The following FOXO3 variants were observed in gnomAD, a reference collection of about 807,000 sequenced individuals.
FOXO3 encodes the protein forkhead box protein O3.
Under a neutral mutation model 41.9 loss-of-function variants are expected in FOXO3, and 4 were observed. That is an observed-to-expected ratio of 0.10 (90% CI 0.05 to 0.22). The LOEUF (loss-of-function observed/expected upper bound fraction) is 0.22, where lower values mean the gene tolerates loss of function less well. FOXO3 is among the 10% of genes least tolerant of loss of function. The probability of loss-of-function intolerance (pLI) is 1.00; values close to 1 mark genes in which losing one functional copy is unlikely to be tolerated. For synonymous variants in FOXO3, 318 were observed against 389.3 expected (o/e 0.82, Z 2.16); for missense variants, 534 against 906.8 (o/e 0.59, Z 5.28).
chr6:108,675,212 G>A (rs144675737), intron 2 of FOXO3, among the ~76,000 whole-genome samples: 1 of 152,084 alleles, frequency 6.6e-6, no homozygotes, highest in South Asian at 2.1e-4. Context: ...AGAAAAGCTG[G>A]TGCCTCCCAG....
rs1313667070 is a variant in FOXO3, at chr6:108,680,311, G to A, written c.*519G>A. 1 of 152,298 alleles carries A rather than the reference G, an allele frequency of 6.6e-6. No individual in the cohort carries two copies. The highest frequency in any genetic ancestry group is 2.4e-5 in the African/African-American group (1 of 41,182). 9.4% of individuals were successfully genotyped at this position (152,298 alleles called of 1,614,324 possible). ...AAAATGTTGTACCAGTTACCATTCC[G>A]GGTTCGAGCATCACAAGCTTTTGAG... is the stretch of plus-strand genomic sequence containing the variant. On this transcript the variant is annotated 3_prime_UTR_variant, in exon 3 of 3. Transcript: ENST00000406360.
chr6:108,618,995 C>T (rs1053866388), intron 1 of FOXO3, among the ~76,000 whole-genome samples: 4 of 152,156 alleles, frequency 2.6e-5, no homozygotes, highest in Non-Finnish European at 1.5e-5. Context: ...CAAATAAGTT[C>T]AAGGCTTGTC....
intron 1 of FOXO3, among the ~76,000 whole-genome samples, chr6:108,599,657 C>T (rs897116598): frequency 9.0e-4 from 137 of 152,270 alleles, no homozygotes; most frequent in Non-Finnish European, 8.5e-4. Flanking sequence ...TTCTCCCATT[C>T]TCCTTTAAGA....
At chr6:108,584,350 G>A (rs1253727127) in intron 1 of FOXO3, among the ~76,000 whole-genome samples, 5 of 151,988 alleles carry the variant, frequency 3.3e-5, no homozygotes, top group African/African-American at 9.7e-5. Flanking sequence ...AATACAGGGT[G>A]TTGTTGGAGT....
chr6:108,561,950 C>G (rs999435945), intron 1 of FOXO3, 121 bp downstream of exon 1: 4 of 1,382,670 alleles, frequency 2.9e-6, no homozygotes, highest in Non-Finnish European at 3.8e-6. Flanking sequence ...CAGGGGGAGC[C>G]TCCGCTGCGA....
chr6:108,610,527 GC>G (rs1374791217), intron 1 of FOXO3, among the ~76,000 whole-genome samples: 14 of 152,324 alleles, frequency 9.2e-5, no homozygotes, highest in Admixed American at 2.6e-4. Flanking sequence ...TTTTGTGTGT[GC>G]CCCTGTGTTT....
chr6:108,678,890 T>TTTTTTTTTTTTTTTTTC (rs368405598), intron 2 of FOXO3, among the ~76,000 whole-genome samples: 1 of 115,334 alleles, frequency 8.7e-6, no homozygotes, highest in Non-Finnish European at 1.8e-5. Context: ...TTTTTTTTTT[T>TTTTTTTTTTTTTTTTTC]TGAGACGGAG....
intron 1 of FOXO3, among the ~76,000 whole-genome samples, chr6:108,661,393 A>G (rs976898330): frequency 6.6e-6 from 1 of 151,666 alleles, no homozygotes; most frequent in Admixed American, 6.6e-5. Context: ...CATCAGGAGT[A>G]TCTTTTGTCT....
intron 2 of FOXO3, among the ~76,000 whole-genome samples, chr6:108,666,912 C>CA (rs1312730576): frequency 2.6e-5 from 4 of 152,136 alleles, no homozygotes; most frequent in Non-Finnish European, 4.4e-5. Context: ...GTTTTAGTCT[C>CA]AGCAAGCTAC....
chr6:108,603,485 T>G (rs574167359), intron 1 of FOXO3, among the ~76,000 whole-genome samples: 1 of 152,324 alleles, frequency 6.6e-6, no homozygotes, highest in South Asian at 2.1e-4. Flanking sequence ...AGGACCCTCC[T>G]TTTTTTCCTT....
At chr6:108,659,743 C>A (rs954217587) in intron 1 of FOXO3, among the ~76,000 whole-genome samples, 8 of 152,136 alleles carry the variant, frequency 5.3e-5, no homozygotes, top group African/African-American at 1.9e-4. Context: ...TGTTCCAGCC[C>A]CTTTTTACCA....
chr6:108,639,055 T>G (rs1277545517), intron 1 of FOXO3, among the ~76,000 whole-genome samples: 1 of 152,178 alleles, frequency 6.6e-6, no homozygotes, highest in African/African-American at 2.4e-5. Context: ...CAAACAGGCC[T>G]ATAACAGGAG....
intron 2 of FOXO3, among the ~76,000 whole-genome samples, chr6:108,668,309 C>T (rs1018316228): frequency 1.3e-5 from 2 of 152,154 alleles, no homozygotes; most frequent in African/African-American, 4.8e-5. Context: ...CATTTTAGAC[C>T]ACGTGTAGAA....
chr6:108,666,437 G>A (rs1779063211), intron 2 of FOXO3, among the ~76,000 whole-genome samples: 1 of 151,512 alleles, frequency 6.6e-6, no homozygotes, highest in Non-Finnish European at 1.5e-5. Flanking sequence ...CCAGGTTCAC[G>A]CCATTCTCCT....
upstream of FOXO3, chr6:108,560,862 C>A: frequency 1.2e-6 from 1 of 803,238 alleles, no homozygotes; most frequent in Non-Finnish European, 1.7e-6. Context: ...GAGGGGGCTG[C>A]CCCGCGCGAG....
chr6:108,623,733 G>A (rs1401131432), intron 1 of FOXO3, among the ~76,000 whole-genome samples: 1 of 152,134 alleles, frequency 6.6e-6, no homozygotes, highest in Non-Finnish European at 1.5e-5. Flanking sequence ...TAAAGGGGAA[G>A]GGAAGGAAAT....
At chr6:108,651,706 A>G (rs1197953931) in intron 1 of FOXO3, among the ~76,000 whole-genome samples, 1 of 152,226 alleles carries the variant, frequency 6.6e-6, no homozygotes, top group Non-Finnish European at 1.5e-5. Flanking sequence ...GCACCTCCAC[A>G]TCCATCCCTG....
intron 1 of FOXO3, among the ~76,000 whole-genome samples, chr6:108,568,475 C>T (rs1196316204): frequency 6.6e-6 from 1 of 152,142 alleles, no homozygotes; most frequent in Non-Finnish European, 1.5e-5. Flanking sequence ...CTTACCCTGC[C>T]CACCCCATGG....
At chr6:108,676,450 C>G (rs527305535) in intron 2 of FOXO3, among the ~76,000 whole-genome samples, 1 of 152,212 alleles carries the variant, frequency 6.6e-6, no homozygotes, top group East Asian at 1.9e-4. Context: ...CCATGTTGCC[C>G]AGGGTGGTCT....
Sources: allele counts gnomAD v4.1 joint callset (sites outside exome capture counted in the v4.1 genomes callset), GRCh38; gene constraint gnomAD v4.1.1; transcripts MANE v1.5; gene names NCBI Gene and HGNC (gene_info 2026-07-23, HGNC 2026-07-21).